The following WASHC2C variants were observed in gnomAD, a reference collection of about 807,000 sequenced individuals.
The protein encoded by WASHC2C is Vaccinia Penetration Factor.
In WASHC2C, 73 loss-of-function variants were observed where a neutral mutation model predicts 142.2. The ratio of observed to expected loss-of-function variants is 0.51; its 90% CI spans 0.43 to 0.62. The LOEUF is 0.62. Among genes scored for constraint, WASHC2C ranks in the 20% least tolerant of loss-of-function variants. WASHC2C has a pLI of 0.00. For synonymous variants in WASHC2C, 337 were observed against 565.5 expected (o/e 0.60, Z 5.73); for missense variants, 969 against 1,531.7 (o/e 0.63, Z 6.13).
chr10:45,729,450 T>G (rs1408429841), intron 3 of WASHC2C, among the ~76,000 whole-genome samples: 4 of 152,220 alleles, frequency 2.6e-5, no homozygotes, highest in Non-Finnish European at 4.4e-5. Flanking sequence ...ATATGTCTGC[T>G]TGCAATATTC....
At chr10:45,756,646 C>G (rs1554877345) in intron 15 of WASHC2C, among the ~76,000 whole-genome samples, 2 of 152,048 alleles carry the variant, frequency 1.3e-5, no homozygotes, top group African/African-American at 2.4e-5. Flanking sequence ...AGGAGCCAAG[C>G]CTTCATTTCT....
rs1305433887 is a variant in WASHC2C, at chr10:45,728,313, G to C, written c.127-549G>C. On this transcript the variant is annotated intron_variant, in intron 2 of 30. Transcript: ENST00000623400. ...CCAAAGTGTTGGATTACAAGCGTGAGCCACCATACCCAGTGCCAAAAAGGG... is the reference window on the plus strand; with the variant it reads ...CCAAAGTGTTGGATTACAAGCGTGACCCACCATACCCAGTGCCAAAAAGGG... Among the ~76,000 whole-genome samples, 10 of 152,170 alleles carry C rather than the reference G, an allele frequency of 6.6e-5. No homozygotes were observed. The East Asian group carries it at 9.6e-4, about 15-fold the overall frequency.
chr10:45,775,328 A>C (rs2135474163), intron 21 of WASHC2C, among the ~76,000 whole-genome samples: 1 of 125,556 alleles, frequency 8.0e-6, no homozygotes. Flanking sequence ...CTCTATTAAA[A>C]ATACAAAAAT....
chr10:45,738,681 GTTATT>G (rs1159028484), intron 4 of WASHC2C, among the ~76,000 whole-genome samples: 5 of 152,126 alleles, frequency 3.3e-5, no homozygotes, highest in African/African-American at 1.2e-4. Flanking sequence ...TTTTAAAAAA[GTTATT>G]TTATTTTATT....
chr10:45,737,925 G>T lies in WASHC2C; in HGVS notation c.292-58G>T, dbSNP rs1589602055. ...TAGTTACTGTGTGAATTCTTATATTGTGATTTATTTCCAATGACGTGTTGA... is the reference window on the plus strand; with the variant it reads ...TAGTTACTGTGTGAATTCTTATATTTTGATTTATTTCCAATGACGTGTTGA... On this transcript the variant is annotated intron_variant, in intron 3 of 30. Transcript: ENST00000623400. The T allele has an allele frequency of 5.0e-6, 8 of 1,611,638 alleles. No homozygotes were observed. In the East Asian group the frequency reaches 1.8e-4, roughly 36 times the overall value.
At chr10:45,748,296 T>A (rs1442946570) in intron 8 of WASHC2C, among the ~76,000 whole-genome samples, 3 of 117,342 alleles carry the variant, frequency 2.6e-5, no homozygotes, top group Non-Finnish European at 5.5e-5. Flanking sequence ...TTTTTTTTTT[T>A]TTTTTTTTTT....
intron 18 of WASHC2C, among the ~76,000 whole-genome samples, chr10:45,765,324 T>C (rs2055661819): frequency 6.6e-6 from 1 of 151,056 alleles, no homozygotes; most frequent in Non-Finnish European, 1.5e-5. Context: ...CTGCGGGGGC[T>C]CCCGTGCCCA....
At position 45,750,851 on chromosome 10, in the gene WASHC2C, C is replaced by T. The variant is rs1204330031; in HGVS notation, c.931+13C>T. 8 of 1,546,134 alleles carry T rather than the reference C, an allele frequency of 5.2e-6. No homozygotes were observed. Among genetic ancestry groups the T allele is most frequent in the Non-Finnish European group, 6.1e-6 (7 of 1,145,638 alleles). ...GAGGAGCCGACAAGTGAGCCCCAGC[C>T]ACGTTGATGGGGAGTAGGGGAGGAG... is the stretch of plus-strand genomic sequence containing the variant. On this transcript the variant is annotated intron_variant, in intron 10 of 30. Transcript: ENST00000623400.
intron 13 of WASHC2C, among the ~76,000 whole-genome samples, chr10:45,754,163 G>A (rs1269216881): frequency 4.6e-5 from 7 of 152,122 alleles, no homozygotes; most frequent in African/African-American, 1.7e-4. Flanking sequence ...ACTGTTTGGG[G>A]GAGCCCCGGT....
intron 5 of WASHC2C, among the ~76,000 whole-genome samples, chr10:45,741,752 A>G (rs1554868101): frequency 1.3e-5 from 2 of 151,110 alleles, no homozygotes; most frequent in Non-Finnish European, 2.9e-5. Context: ...TTCCTTCAGC[A>G]GTGGAGGTAG....
At chr10:45,762,861 G>A (rs1449487940) in intron 17 of WASHC2C, among the ~76,000 whole-genome samples, 1 of 152,158 alleles carries the variant, frequency 6.6e-6, no homozygotes, top group Non-Finnish European at 1.5e-5. Flanking sequence ...AGCCGAGATT[G>A]CACCACTGCA....
Position 45,792,569 on chromosome 10 carries a change from ATAC to A in WASHC2C, c.*173_*175del. 1 of 941,082 alleles carries A rather than the reference ATAC, an allele frequency of 1.1e-6. No homozygotes were observed. The highest frequency in any genetic ancestry group is 1.7e-5 in the South Asian group (1 of 57,800). 58.3% of individuals were successfully genotyped at this position (941,082 alleles called of 1,614,324 possible). A position where few individuals can be genotyped will look rare whatever the true frequency, so the allele number is the denominator to read the frequency against. On this transcript the variant is annotated 3_prime_UTR_variant, in exon 31 of 31. Transcript: ENST00000623400. ...TTCTGCACTGGTTTAATCATGCTTA[ATAC>A]TACAAAACAAAAATAAATATTTCAC...
intron 3 of WASHC2C, among the ~76,000 whole-genome samples, chr10:45,736,599 C>T (rs1245878425): frequency 2.0e-5 from 3 of 150,812 alleles, no homozygotes; most frequent in Non-Finnish European, 4.4e-5. Flanking sequence ...GACTCTGTCT[C>T]TAAATAAATA....
At chr10:45,737,770 T>A (rs868971915) in intron 3 of WASHC2C, among the ~76,000 whole-genome samples, 6,738 of 144,498 alleles carry the variant, frequency 0.047, 130 homozygotes, top group African/African-American at 0.077. Context: ...GTATTTAAAT[T>A]TTTTTTTTTT....
In WASHC2C at chr10:45,743,404, T is replaced by C. The variant is rs2052393248; in HGVS notation, c.543T>C (p.Asp181=). The change falls in exon 6 of 31, where the codon GAT becomes GAC. Residue 181 remains aspartate, a synonymous_variant. Coordinates refer to ENST00000623400, the MANE Select transcript of WASHC2C (RefSeq NM_001330074.2). ...ATCATGTACAGGATCTATACATTGA[T>C]CGTCCTTTACCATATCTCATTGGGT... ...LILEPKDLYI[D]RPLPYLIGSK... 6.2e-7 allele frequency: 1 copy of C among 1,611,956 alleles called. No homozygotes were observed. Among genetic ancestry groups the C allele is most frequent in the Non-Finnish European group, 8.5e-7 (1 of 1,179,842 alleles).
At chr10:45,744,116 T>C (rs1186884389) in intron 6 of WASHC2C, among the ~76,000 whole-genome samples, 2 of 151,736 alleles carry the variant, frequency 1.3e-5, no homozygotes, top group Non-Finnish European at 2.9e-5. Context: ...TGGAATGCAA[T>C]GGTGCGATCT....
At chr10:45,727,998 C>T (rs1311902397) in intron 2 of WASHC2C, among the ~76,000 whole-genome samples, 1 of 152,166 alleles carries the variant, frequency 6.6e-6, no homozygotes, top group Non-Finnish European at 1.5e-5. Flanking sequence ...TTAGCTAACC[C>T]TTGGTCTGTG....
intron 16 of WASHC2C, among the ~76,000 whole-genome samples, chr10:45,758,821 T>C (rs1244060267): frequency 1.3e-5 from 2 of 150,176 alleles, no homozygotes; most frequent in African/African-American, 4.9e-5. Context: ...ACCATCATTC[T>C]TTTTGATGCT....
Position 45,783,352 on chromosome 10 carries a change from A to T in WASHC2C, c.2479-1213A>T, listed in dbSNP as rs1255610615. On this transcript the variant is annotated intron_variant, in intron 23 of 30. Transcript: ENST00000623400. ...TTTTTCCACAGTTGTGAAATATTTA[A>T]CATTACTTGCTGTGTTAAACTCATT... Among the ~76,000 whole-genome samples the T allele has an allele frequency of 3.9e-5, 6 of 152,352 alleles. No individual in the cohort carries two copies. In the East Asian group the frequency reaches 7.7e-4, roughly 20 times the overall value.
Sources: allele counts gnomAD v4.1 joint callset (sites outside exome capture counted in the v4.1 genomes callset), GRCh38; gene constraint gnomAD v4.1.1; transcripts MANE v1.5; gene names NCBI Gene and HGNC (gene_info 2026-07-23, HGNC 2026-07-21).